MAP7: variants seen among roughly 807,000 people sequenced by gnomAD.
MAP7 encodes microtubule associated protein 7, also known as ensconsin.
MAP7 carries 52 observed loss-of-function variants against 94.8 expected under a neutral mutation model. The ratio of observed to expected loss-of-function variants is 0.55; its 90% confidence interval spans 0.44 to 0.69. The LOEUF (loss-of-function observed/expected upper bound fraction) is 0.69, where lower values mean the gene tolerates loss of function less well. MAP7 is among the 30% of genes least tolerant of loss of function. The pLI is 0.00. For missense variants in MAP7, 940 were observed against 964.6 expected (o/e 0.97, Z 0.34); for synonymous variants, 350 against 357.0 (o/e 0.98, Z 0.22).
At chr6:136,508,230 T>A (rs1746161026) in intron 1 of MAP7, among the ~76,000 whole-genome samples, 1 of 151,726 alleles carries the variant, frequency 6.6e-6, no homozygotes, top group African/African-American at 2.4e-5. Flanking sequence ...GAGGCTGAGG[T>A]GGGAGGATCG....
At chr6:136,410,386 T>G (rs1357214182) in intron 3 of MAP7, among the ~76,000 whole-genome samples, 1 of 152,180 alleles carries the variant, frequency 6.6e-6, no homozygotes, top group East Asian at 1.9e-4. Context: ...GCCTTCATCC[T>G]CTCTCAGTTC....
intron 16 of MAP7, among the ~76,000 whole-genome samples, chr6:136,349,190 A>G (rs995005670): frequency 2.0e-4 from 30 of 152,200 alleles, no homozygotes; most frequent in African/African-American, 7.0e-4. Flanking sequence ...TCCCTCCACA[A>G]GTACTCTCTC....
At chr6:136,512,296 G>A (rs866128810) in intron 1 of MAP7, among the ~76,000 whole-genome samples, 1 of 152,242 alleles carries the variant, frequency 6.6e-6, no homozygotes, top group Non-Finnish European at 1.5e-5. Context: ...GGACTAAGAG[G>A]TCTTGAATCA....
At position 136,411,692 on chromosome 6, in the gene MAP7, G is replaced by A; in HGVS notation, c.172C>T (p.Pro58Ser). ...NNHSGNKPDP[P>S]PVLRVDDRQR... The stretch of plus-strand genomic sequence containing the variant: ...CGGTCATCAACACGTAACACAGGCG[G>A]AGGGTCTGAAAGCGAGATTAAAAAA... The change falls in exon 3 of 18, where the codon CCG becomes TCG. Residue 58 changes from proline to serine, a missense_variant. Pro to Ser is a moderately conservative substitution (Grantham distance 74, BLOSUM62 -1). Transcript: ENST00000354570. The A allele has an allele frequency of 6.4e-7, 1 of 1,563,920 alleles. No individual in the cohort carries two copies. The highest frequency in any genetic ancestry group is 8.7e-7 in the Non-Finnish European group (1 of 1,152,752).
intron 1 of MAP7, among the ~76,000 whole-genome samples, chr6:136,509,984 C>A (rs1217826755): frequency 6.6e-6 from 1 of 152,132 alleles, no homozygotes; most frequent in Non-Finnish European, 1.5e-5. Flanking sequence ...GGTGGATCAC[C>A]TGAGGTCAGG....
chr6:136,461,799 G>T (rs1805308736), intron 1 of MAP7, among the ~76,000 whole-genome samples: 1 of 152,070 alleles, frequency 6.6e-6, no homozygotes, highest in Non-Finnish European at 1.5e-5. Context: ...CGCTTTTAGG[G>T]TTTTCTCTCT....
At chr6:136,490,773 G>A (rs909479925) in intron 1 of MAP7, among the ~76,000 whole-genome samples, 7 of 152,184 alleles carry the variant, frequency 4.6e-5, no homozygotes, top group Non-Finnish European at 7.3e-5. Flanking sequence ...CTTGGAAGAT[G>A]AGCCAAGCTC....
chr6:136,533,780 AACTC>A (rs1469996242), intron 1 of MAP7, among the ~76,000 whole-genome samples: 1 of 152,186 alleles, frequency 6.6e-6, no homozygotes, highest in Non-Finnish European at 1.5e-5. Context: ...ACAGAATGAG[AACTC>A]ACTCATTACC....
intron 1 of MAP7, among the ~76,000 whole-genome samples, chr6:136,450,786 A>G (rs2128880526): frequency 6.7e-6 from 1 of 149,722 alleles, no homozygotes. Flanking sequence ...CTCCATCTCA[A>G]AAAAAAAAAG....
At chr6:136,501,331 G>C (rs552906226) in intron 1 of MAP7, among the ~76,000 whole-genome samples, 1 of 152,182 alleles carries the variant, frequency 6.6e-6, no homozygotes, top group Non-Finnish European at 1.5e-5. Flanking sequence ...ACAGGGCCAG[G>C]AGGTGGCCTG....
At chr6:136,385,493 A>T (rs1778956356) in intron 5 of MAP7, among the ~76,000 whole-genome samples, 1 of 152,196 alleles carries the variant, frequency 6.6e-6, no homozygotes, top group Admixed American at 6.5e-5. Flanking sequence ...AGTTGGGGGA[A>T]AATTGTGTCC....
chr6:136,469,496 C>G (rs551189863), intron 1 of MAP7, among the ~76,000 whole-genome samples: 1 of 152,272 alleles, frequency 6.6e-6, no homozygotes, highest in Non-Finnish European at 1.5e-5. Context: ...ATCCTCCCAT[C>G]TCAGCCTCTC....
At chr6:136,360,109 G>T in intron 13 of MAP7, 78 bp from the exon 14 acceptor site, 2 of 1,095,164 alleles carry the variant, frequency 1.8e-6, no homozygotes, top group Non-Finnish European at 2.7e-6. Context: ...TGATGAAATA[G>T]ATTATTTAAA....
chr6:136,505,740 T>C (rs533235875), intron 1 of MAP7, among the ~76,000 whole-genome samples: 24 of 152,148 alleles, frequency 1.6e-4, no homozygotes, highest in African/African-American at 5.8e-4. Flanking sequence ...TTTACCTCTA[T>C]AGCAAATCTG....
chr6:136,475,541 T>C (rs1404249573), intron 1 of MAP7, among the ~76,000 whole-genome samples: 1 of 152,244 alleles, frequency 6.6e-6, no homozygotes, highest in Non-Finnish European at 1.5e-5. Context: ...ATCAGCCTTC[T>C]TGATGTGTTG....
chr6:136,420,790 T>C (rs1295078441), intron 2 of MAP7, among the ~76,000 whole-genome samples: 2 of 146,438 alleles, frequency 1.4e-5, no homozygotes, highest in Non-Finnish European at 3.0e-5. Context: ...CAGATTTATC[T>C]GTTGTGTTCA....
intron 1 of MAP7, among the ~76,000 whole-genome samples, chr6:136,490,095 C>G (rs1050098232): frequency 6.6e-6 from 1 of 152,150 alleles, no homozygotes; most frequent in Admixed American, 6.5e-5. Flanking sequence ...AGCCATTAAG[C>G]CTTCAACAAT....
At chr6:136,435,391 A>T (rs1796127212) in intron 1 of MAP7, among the ~76,000 whole-genome samples, 1 of 152,184 alleles carries the variant, frequency 6.6e-6, no homozygotes. Context: ...AGAATTGTAG[A>T]GGAATCATTA....
At chr6:136,483,129 CAAAAAAAAA>C (rs57320038) in intron 1 of MAP7, among the ~76,000 whole-genome samples, 16 of 83,154 alleles carry the variant, frequency 1.9e-4, no homozygotes, top group Non-Finnish European at 4.2e-4. Context: ...AAGTATCTTT[CAAAAAAAAA>C]AAAAAAAAAG....
Sources: gnomAD v4.1 joint callset for allele counts (sites outside exome capture counted in the v4.1 genomes callset) on GRCh38, gnomAD v4.1.1 for gene constraint, MANE v1.5 for transcripts, NCBI Gene and HGNC (gene_info 2026-07-23, HGNC 2026-07-21) for gene names.